PLEKHD1: variants seen among roughly 807,000 people sequenced by gnomAD.
The protein encoded by PLEKHD1 is pleckstrin homology domain-containing family D member 1.
Under a neutral mutation model 69.2 loss-of-function variants are expected in PLEKHD1, and 51 were observed. The observed-to-expected ratio is 0.74, with a 90% CI of 0.59 to 0.93. The LOEUF (loss-of-function observed/expected upper bound fraction) is 0.93, where lower values mean the gene tolerates loss of function less well. Among genes scored for constraint, PLEKHD1 ranks in the 40% least tolerant of loss-of-function variants. The probability of loss-of-function intolerance (pLI) is 0.00; values close to 1 mark genes in which losing one functional copy is unlikely to be tolerated. For synonymous variants in PLEKHD1, 236 were observed against 244.7 expected (o/e 0.96, Z 0.33); for missense variants, 584 against 641.0 (o/e 0.91, Z 0.96).
Position 69,529,712 on chromosome 14 carries a change from C to A in PLEKHD1, c.*1293C>A, listed in dbSNP as rs1350248021. The A allele has an allele frequency of 6.6e-6, 1 of 152,272 alleles. No individual in the cohort carries two copies. The highest frequency in any genetic ancestry group is 1.5e-5 in the Non-Finnish European group (1 of 68,066). The allele number at this position is 152,272 out of a possible 1,614,324, so 9.4% of individuals were successfully genotyped here. A position where few individuals can be genotyped will look rare whatever the true frequency, so the allele number is the denominator to read the frequency against. On this transcript the variant is annotated 3_prime_UTR_variant, in exon 13 of 13. Transcript: ENST00000322564. ...CTTCAGTCACCTTGCTGCCTCCTCT[C>A]CCTGCAGAGATTTCAGCCTGTGAAG... is the stretch of plus-strand genomic sequence containing the variant.
intron 1 of PLEKHD1, among the ~76,000 whole-genome samples, chr14:69,498,261 T>G (rs1183376899): frequency 6.6e-6 from 1 of 151,846 alleles, no homozygotes; most frequent in Non-Finnish European, 1.5e-5. Flanking sequence ...GTATTTTTAG[T>G]AGAGACAGAG....
At position 69,514,225 on chromosome 14, in the gene PLEKHD1, G is replaced by A. The variant is rs147710140; in HGVS notation, c.556-8058G>A. On this transcript the variant is annotated intron_variant, in intron 6 of 12. Coordinates refer to ENST00000322564, the MANE Select transcript of PLEKHD1 (RefSeq NM_001161498.2). ...ACATTTTGCACCTTTTGCAGTTGTC[G>A]CACAGTTCTTCGATATTCTGCTCTG... Among the ~76,000 whole-genome samples the A allele has an allele frequency of 3.6e-4, 53 of 149,230 alleles. No homozygotes were observed. The East Asian group carries it at 5.7e-3, about 16-fold the overall frequency.
the PLEKHD1 span, among the ~76,000 whole-genome samples, chr14:69,475,132 A>T: frequency 6.6e-6 from 1 of 152,246 alleles, no homozygotes; most frequent in Non-Finnish European, 1.5e-5. Flanking sequence ...CTCCTAGTCC[A>T]GTGAACTGCT....
chr14:69,485,253 C>T (rs1436092988), intron 1 of PLEKHD1, 139 bp downstream of exon 1: 2 of 1,072,586 alleles, frequency 1.9e-6, no homozygotes, highest in Non-Finnish European at 2.6e-6. Context: ...TCTACACTGG[C>T]TCCCGCAGGA....
chr14:69,497,270 C>T (rs1392312302), intron 1 of PLEKHD1, among the ~76,000 whole-genome samples: 6 of 152,332 alleles, frequency 3.9e-5, no homozygotes, highest in East Asian at 1.9e-4. Context: ...GACCCCCAAC[C>T]CCAGCCGGAA....
chr14:69,524,602 C>T (rs1885399), intron 8 of PLEKHD1, among the ~76,000 whole-genome samples: 151,127 of 152,278 alleles, frequency 0.99, 75,001 homozygotes, highest in Middle Eastern at 1. Flanking sequence ...CTGGTGCTTA[C>T]ATTTTTATAC....
intron 6 of PLEKHD1, among the ~76,000 whole-genome samples, chr14:69,514,644 A>G (rs1231503564): frequency 2.0e-5 from 3 of 151,352 alleles, no homozygotes; most frequent in Non-Finnish European, 4.4e-5. Flanking sequence ...TTTTTGTTGA[A>G]TGCCCTTTAT....
chr14:69,474,214 C>T, the PLEKHD1 span, among the ~76,000 whole-genome samples: 1 of 152,150 alleles, frequency 6.6e-6, no homozygotes, highest in Admixed American at 6.5e-5. Flanking sequence ...AAAACAATAA[C>T]CAAGGAAGTT....
chr14:69,496,392 C>T (rs923888850), intron 1 of PLEKHD1, among the ~76,000 whole-genome samples: 1 of 152,198 alleles, frequency 6.6e-6, no homozygotes, highest in Admixed American at 6.5e-5. Flanking sequence ...CACAGTTCTG[C>T]AGGCTGAGAG....
intron 1 of PLEKHD1, among the ~76,000 whole-genome samples, chr14:69,489,992 G>A (rs879640595): frequency 5.9e-5 from 9 of 152,100 alleles, no homozygotes; most frequent in Non-Finnish European, 1.2e-4. Flanking sequence ...TCAGCCTCCC[G>A]ATTAGCTGGG....
intron 9 of PLEKHD1, 100 bp from the exon 10 acceptor site, chr14:69,526,597 C>T (rs1249060412): frequency 6.6e-6 from 9 of 1,365,998 alleles, no homozygotes; most frequent in Non-Finnish European, 8.7e-6. Flanking sequence ...GCCTGGGATT[C>T]AAGGTTTCTC....
chr14:69,489,957 C>G (rs1275355159), intron 1 of PLEKHD1, among the ~76,000 whole-genome samples: 1 of 152,192 alleles, frequency 6.6e-6, no homozygotes, highest in Non-Finnish European at 1.5e-5. Context: ...ACCTCTGCCT[C>G]CCAGGTTCAA....
At chr14:69,498,865 C>T (rs1409550021) in intron 1 of PLEKHD1, among the ~76,000 whole-genome samples, 4 of 152,050 alleles carry the variant, frequency 2.6e-5, no homozygotes, top group African/African-American at 9.7e-5. Flanking sequence ...CCAGGCTGGT[C>T]TCGATCTCCC....
chr14:69,493,571 T>C (rs1262266757), intron 1 of PLEKHD1, among the ~76,000 whole-genome samples: 3 of 152,216 alleles, frequency 2.0e-5, no homozygotes, highest in African/African-American at 4.8e-5. Flanking sequence ...CTTAGAGTTG[T>C]TATGAGAAAT....
At chr14:69,521,403 G>T (rs1883511326) in intron 6 of PLEKHD1, among the ~76,000 whole-genome samples, 1 of 152,148 alleles carries the variant, frequency 6.6e-6, no homozygotes, top group Non-Finnish European at 1.5e-5. Flanking sequence ...CATATAGACA[G>T]CCTCCCTCCC....
upstream of PLEKHD1, among the ~76,000 whole-genome samples, chr14:69,480,994 C>T (rs915325386): frequency 2.0e-5 from 3 of 152,208 alleles, no homozygotes; most frequent in Non-Finnish European, 2.9e-5. Context: ...ACGGTATTCA[C>T]ACATTTCCTT....
At chr14:69,491,538 T>A (rs1882776679) in intron 1 of PLEKHD1, among the ~76,000 whole-genome samples, 1 of 152,208 alleles carries the variant, frequency 6.6e-6, no homozygotes, top group Admixed American at 6.5e-5. Flanking sequence ...CCTTTCTAGC[T>A]CCTACTCCTA....
At chr14:69,527,118 G>C (rs1354030290) in intron 10 of PLEKHD1, 70 bp from the exon 11 acceptor site, 9 of 1,464,202 alleles carry the variant, frequency 6.1e-6, no homozygotes, top group Non-Finnish European at 5.4e-6. Flanking sequence ...GACCAAGGAA[G>C]GCTTCCAGGG....
chr14:69,500,801 C>T (rs1394405085), intron 3 of PLEKHD1, 70 bp from the exon 4 acceptor site: 5 of 1,533,740 alleles, frequency 3.3e-6, no homozygotes, highest in East Asian at 2.4e-5. Context: ...GGTGACAGGG[C>T]AGAGCTGGGC....
Sources: gnomAD v4.1 joint callset for allele counts (sites outside exome capture counted in the v4.1 genomes callset) on GRCh38, gnomAD v4.1.1 for gene constraint, MANE v1.5 for transcripts, NCBI Gene and HGNC (gene_info 2026-07-23, HGNC 2026-07-21) for gene names.